C12orf56: variants seen among roughly 807,000 people sequenced by gnomAD.
The protein encoded by C12orf56 is uncharacterized protein C12orf56.
C12orf56 carries 71 observed loss-of-function variants against 69.9 expected under a neutral mutation model. That is an observed-to-expected ratio of 1.02 (90% CI 0.84 to 1.24). C12orf56 has a LOEUF of 1.24. C12orf56 is among the 50% of genes most tolerant of loss of function. The pLI is 0.00. For synonymous variants in C12orf56, 276 were observed against 274.1 expected, an observed-to-expected ratio of 1.01 and a Z score of -0.07; for missense variants, 732 against 738.5, an observed-to-expected ratio of 0.99 and a Z score of 0.10.
rs1049537640 is a variant in C12orf56 at position 64,390,352 on chromosome 12, GC to G, written c.213del (p.Arg72GlyfsTer2). ...YLTENPPKSI[R>X]RVVALRDVVA... ...ACGACGTCCCGCAGAGCCACTACCCGCCGGATGGACTTGGGCGGGTTCTCGG... is the reference window on the plus strand; with the variant it reads ...ACGACGTCCCGCAGAGCCACTACCCGCGGATGGACTTGGGCGGGTTCTCGG... On this transcript the variant is annotated frameshift_variant, in exon 1 of 13. Coordinates refer to ENST00000543942, the MANE Select transcript of C12orf56 (RefSeq NM_001170633.2). LOFTEE classifies it high-confidence loss of function. 10 of 1,612,242 alleles carry G rather than the reference GC, an allele frequency of 6.2e-6. No homozygotes were observed. The highest frequency in any genetic ancestry group is 3.3e-4 in the Middle Eastern group (2 of 6,082).
intron 1 of C12orf56, among the ~76,000 whole-genome samples, chr12:64,385,985 G>A (rs576335218): frequency 6.6e-6 from 1 of 152,162 alleles, no homozygotes; most frequent in Admixed American, 6.6e-5. Flanking sequence ...AACATGGCAA[G>A]ACCCCATCTC....
At chr12:64,317,591 C>T (rs1005320401) in intron 4 of C12orf56, among the ~76,000 whole-genome samples, 10 of 152,038 alleles carry the variant, frequency 6.6e-5, no homozygotes, top group African/African-American at 2.2e-4. Context: ...AAAACCCCGT[C>T]TCTACCAAAA....
intron 9 of C12orf56, among the ~76,000 whole-genome samples, chr12:64,275,838 C>T (rs573931496): frequency 1.3e-5 from 2 of 152,104 alleles, no homozygotes; most frequent in African/African-American, 2.4e-5. Context: ...AACTCTTGGC[C>T]TCAAGTGATT....
At chr12:64,369,812 CT>C (rs1278627596) in intron 1 of C12orf56, among the ~76,000 whole-genome samples, 1 of 151,484 alleles carries the variant, frequency 6.6e-6, no homozygotes, top group Non-Finnish European at 1.5e-5. Context: ...GAAACCCCGT[CT>C]CTACTAAAAA....
chr12:64,310,867 C>A (rs571852266), intron 5 of C12orf56, among the ~76,000 whole-genome samples: 4 of 152,088 alleles, frequency 2.6e-5, no homozygotes, highest in East Asian at 1.9e-4. Flanking sequence ...ATCCCTCCCC[C>A]CTTCCCCCAC....
intron 2 of C12orf56, among the ~76,000 whole-genome samples, chr12:64,342,505 G>C (rs1386783008): frequency 6.6e-6 from 1 of 152,204 alleles, no homozygotes; most frequent in Non-Finnish European, 1.5e-5. Flanking sequence ...TACAGGCTAG[G>C]GGAGAGAAGG....
chr12:64,311,096 A>G (rs1439790400), intron 5 of C12orf56, among the ~76,000 whole-genome samples: 2 of 151,882 alleles, frequency 1.3e-5, no homozygotes, highest in African/African-American at 4.8e-5. Flanking sequence ...TATGTGCCAC[A>G]TTTTCTTAAT....
At chr12:64,363,363 T>C (rs2039422574) in intron 1 of C12orf56, among the ~76,000 whole-genome samples, 1 of 152,166 alleles carries the variant, frequency 6.6e-6, no homozygotes, top group Admixed American at 6.5e-5. Context: ...GATAGGTAAG[T>C]GTGCAGGAAA....
chr12:64,330,132 C>CA (rs1397577850), intron 3 of C12orf56, among the ~76,000 whole-genome samples: 3 of 152,146 alleles, frequency 2.0e-5, no homozygotes, highest in Admixed American at 1.3e-4. Flanking sequence ...AACTAGTTTA[C>CA]GTTCCACCAA....
At chr12:64,270,142 A>G (rs966341609) in intron 12 of C12orf56, among the ~76,000 whole-genome samples, 1 of 152,112 alleles carries the variant, frequency 6.6e-6, no homozygotes, top group Non-Finnish European at 1.5e-5. Flanking sequence ...TCACACCTGT[A>G]ATCCCAGCAC....
intron 6 of C12orf56, among the ~76,000 whole-genome samples, chr12:64,297,704 A>G (rs889363719): frequency 3.3e-5 from 5 of 152,194 alleles, no homozygotes; most frequent in Non-Finnish European, 5.9e-5. Context: ...ATGTCCCTGC[A>G]AAGGACATGA....
intron 1 of C12orf56, among the ~76,000 whole-genome samples, chr12:64,387,992 A>T (rs2039816376): frequency 6.6e-6 from 1 of 151,980 alleles, no homozygotes; most frequent in Non-Finnish European, 1.5e-5. Context: ...TTTTTGAGAC[A>T]GAGTTTTGCT....
chr12:64,381,467 G>A (rs1458500021), intron 1 of C12orf56, among the ~76,000 whole-genome samples: 1 of 152,146 alleles, frequency 6.6e-6, no homozygotes, highest in Non-Finnish European at 1.5e-5. Flanking sequence ...CTAGTTCTTA[G>A]GCAAGAAGCA....
intron 6 of C12orf56, among the ~76,000 whole-genome samples, chr12:64,293,107 C>T (rs2038315338): frequency 6.6e-6 from 1 of 152,040 alleles, no homozygotes; most frequent in African/African-American, 2.4e-5. Context: ...TGGGAGTGAC[C>T]CGATTTTCCA....
At chr12:64,347,443 G>A (rs1040990260) in intron 2 of C12orf56, among the ~76,000 whole-genome samples, 17 of 151,858 alleles carry the variant, frequency 1.1e-4, no homozygotes, top group South Asian at 4.2e-4. Context: ...ATGCCACCAC[G>A]CCTGGCTAAT....
At chr12:64,306,583 G>C (rs1353425452) in intron 5 of C12orf56, among the ~76,000 whole-genome samples, 1 of 152,032 alleles carries the variant, frequency 6.6e-6, no homozygotes, top group African/African-American at 2.4e-5. Flanking sequence ...TGCTCAGGCT[G>C]GTCTCAAACT....
chr12:64,285,184 T>TA (rs5798744), intron 7 of C12orf56, among the ~76,000 whole-genome samples: 44 of 145,276 alleles, frequency 3.0e-4, no homozygotes, highest in African/African-American at 1.1e-3. Context: ...AGAACTTTTC[T>TA]AAAAAAAAAA....
chr12:64,352,943 G>C lies in C12orf56; in HGVS notation c.366C>G (p.Val122=). Reference sequence around the variant, plus strand: ...GATGAAATGGAAATAGGAATTTCCTGACACTGTTTGACTTTTTACACTCTT... The same window carrying C: ...GATGAAATGGAAATAGGAATTTCCTCACACTGTTTGACTTTTTACACTCTT... The part of the protein sequence containing the change: ...LKKECKKSNS[V]RKFLFPFHHT... The change falls in exon 2 of 13, where the codon GTC becomes GTG. Residue 122 remains valine, a synonymous_variant. Transcript: ENST00000543942. The C allele has an allele frequency of 6.2e-7, 1 of 1,613,030 alleles. No individual in the cohort carries two copies. The highest frequency in any genetic ancestry group is 8.5e-7 in the Non-Finnish European group (1 of 1,179,590).
intron 1 of C12orf56, among the ~76,000 whole-genome samples, chr12:64,370,623 C>G (rs965693112): frequency 6.6e-6 from 1 of 151,516 alleles, no homozygotes; most frequent in Non-Finnish European, 1.5e-5. Context: ...TGCATTCCAG[C>G]CTGGGCAACA....
Sources: gnomAD v4.1 joint callset for allele counts (sites outside exome capture counted in the v4.1 genomes callset) on GRCh38, gnomAD v4.1.1 for gene constraint, MANE v1.5 for transcripts, NCBI Gene and HGNC (gene_info 2026-07-23, HGNC 2026-07-21) for gene names.